Variants in LIMCH1 observed in about 807,000 individuals in gnomAD.
LIMCH1 encodes LIM and calponin homology domains-containing protein 1.
LIMCH1 carries 113 observed loss-of-function variants against 176.5 expected under a neutral mutation model. That is an observed-to-expected ratio of 0.64 (90% CI 0.55 to 0.75). LIMCH1 has a LOEUF of 0.75. Ranked by LOEUF, LIMCH1 falls within the 30% of genes least tolerant of loss-of-function variation. The pLI is 0.00. For synonymous variants in LIMCH1, 619 were observed against 645.9 expected (o/e 0.96, Z 0.63); for missense variants, 1,674 against 1,814.9 (o/e 0.92, Z 1.41).
At chr4:41,457,397 A>G (rs1325805027) in intron 1 of LIMCH1, among the ~76,000 whole-genome samples, 6 of 152,146 alleles carry the variant, frequency 3.9e-5, no homozygotes, top group South Asian at 2.1e-4. Flanking sequence ...AACTGGGTCC[A>G]TTATACCATT....
rs574937993 is a variant in LIMCH1, at chr4:41,532,735, TTAA to T, written c.237+8261_237+8263del. Among the ~76,000 whole-genome samples the T allele has an allele frequency of 8.2e-3, 1,254 of 152,306 alleles. 7 individuals are homozygous for T. Among genetic ancestry groups the T allele is most frequent in the Admixed American group, 0.014 (217 of 15,298 alleles). On this transcript the variant is annotated intron_variant, in intron 3 of 26. Transcript: ENST00000313860. ...ATCTTTTGTGGGTATTTGGGAAGAC[TTAA>T]TAAGAATTTTTTGTCCCTTCACTCA...
intron 1 of LIMCH1, among the ~76,000 whole-genome samples, chr4:41,586,135 G>T (rs2086432353): frequency 7.6e-6 from 1 of 132,180 alleles, no homozygotes; most frequent in South Asian, 2.8e-4. Flanking sequence ...TTGAAACAGG[G>T]TCTCACTCTG....
At chr4:41,496,658 T>G (rs979807494) in intron 2 of LIMCH1, among the ~76,000 whole-genome samples, 2 of 152,146 alleles carry the variant, frequency 1.3e-5, no homozygotes, top group African/African-American at 4.8e-5. Context: ...TTGTGTAAGT[T>G]GAGACTATTA....
chr4:41,595,807 C>T (rs894981628), intron 1 of LIMCH1, among the ~76,000 whole-genome samples: 1 of 152,032 alleles, frequency 6.6e-6, no homozygotes, highest in African/African-American at 2.4e-5. Flanking sequence ...CCTGTAATCC[C>T]AGCACGTTGC....
At chr4:41,479,521 G>A (rs2068249801) in intron 1 of LIMCH1, among the ~76,000 whole-genome samples, 1 of 152,080 alleles carries the variant, frequency 6.6e-6, no homozygotes, top group African/African-American at 2.4e-5. Flanking sequence ...CAAAATGCTG[G>A]GATTACAGGC....
chr4:41,548,348 C>T (rs1007792255), intron 1 of LIMCH1, among the ~76,000 whole-genome samples: 1 of 152,078 alleles, frequency 6.6e-6, no homozygotes. Context: ...AGTATTTTCA[C>T]AACCATTTTA....
At chr4:41,375,554 A>G (rs1293489168) in intron 1 of LIMCH1, among the ~76,000 whole-genome samples, 1 of 152,120 alleles carries the variant, frequency 6.6e-6, no homozygotes, top group African/African-American at 2.4e-5. Flanking sequence ...TTTTTTTCCC[A>G]TTTAATTTCA....
chr4:41,586,962 T>A (rs556332269), intron 1 of LIMCH1, among the ~76,000 whole-genome samples: 3 of 152,332 alleles, frequency 2.0e-5, no homozygotes, highest in African/African-American at 7.2e-5. Flanking sequence ...TATGCTATGC[T>A]GGCAAGGAAT....
At chr4:41,429,644 A>G (rs997649182) in intron 1 of LIMCH1, among the ~76,000 whole-genome samples, 2 of 152,200 alleles carry the variant, frequency 1.3e-5, no homozygotes, top group Admixed American at 1.3e-4. Context: ...ATATTTTTCC[A>G]GTTTGCCTTT....
intron 1 of LIMCH1, among the ~76,000 whole-genome samples, chr4:41,591,776 C>T (rs778328640): frequency 3.0e-4 from 45 of 152,006 alleles, no homozygotes; most frequent in African/African-American, 3.9e-4. Flanking sequence ...TTTCTGTGAA[C>T]GCAAATCCAT....
At chr4:41,574,143 A>T (rs2084018740) in intron 1 of LIMCH1, among the ~76,000 whole-genome samples, 1 of 151,964 alleles carries the variant, frequency 6.6e-6, no homozygotes, top group African/African-American at 2.4e-5. Flanking sequence ...GGGATCTGGC[A>T]GGGGTCATCA....
intron 2 of LIMCH1, among the ~76,000 whole-genome samples, chr4:41,523,142 G>T (rs2076286778): frequency 6.6e-6 from 1 of 152,114 alleles, no homozygotes; most frequent in South Asian, 2.1e-4. Context: ...CTAAATTCAA[G>T]ACTATTAAAC....
intron 23 of LIMCH1, among the ~76,000 whole-genome samples, chr4:41,679,599 G>T (rs1334716977): frequency 6.6e-6 from 1 of 151,934 alleles, no homozygotes; most frequent in Non-Finnish European, 1.5e-5. Context: ...AAACCTTCAG[G>T]GTTTTTCATC....
chr4:41,603,636 G>A (rs1366529606), intron 2 of LIMCH1, among the ~76,000 whole-genome samples: 1 of 152,102 alleles, frequency 6.6e-6, no homozygotes, highest in Non-Finnish European at 1.5e-5. Context: ...AAATTATAAA[G>A]CATCGTCTTT....
chr4:41,633,132 G>C, intron 12 of LIMCH1, 47 bp downstream of exon 12: 1 of 1,332,938 alleles, frequency 7.5e-7, no homozygotes, highest in African/African-American at 1.5e-5. Context: ...TGCCCCTGCT[G>C]TGTGTGGCTG....
rs2068403299 is a variant in LIMCH1, at chr4:41,480,442, A to T, written c.97-14094A>T. Among the ~76,000 whole-genome samples, 4 of 152,144 alleles carry T rather than the reference A, an allele frequency of 2.6e-5. No individual in the cohort carries two copies. In the South Asian group the frequency reaches 8.3e-4, roughly 31 times the overall value. ...GCCAACATGGTGAAACCCCGGCTCCACTAAAAATACAAAAATTAGCTGGGT... is the reference window on the plus strand; with the variant it reads ...GCCAACATGGTGAAACCCCGGCTCCTCTAAAAATACAAAAATTAGCTGGGT... On this transcript the variant is annotated intron_variant, in intron 1 of 26. Transcript: ENST00000313860.
chr4:41,574,379 C>T (rs1158008404), intron 1 of LIMCH1, among the ~76,000 whole-genome samples: 6 of 149,982 alleles, frequency 4.0e-5, no homozygotes, highest in Admixed American at 6.6e-5. Flanking sequence ...CTGCAAGCTC[C>T]ACCTCCCGGG....
intron 6 of LIMCH1, chr4:41,619,981 T>C (rs2092439474): frequency 5.4e-6 from 1 of 184,838 alleles, no homozygotes; most frequent in African/African-American, 2.4e-5. Context: ...ATTTATTCAT[T>C]TATTCAGCAA....
intron 3 of LIMCH1, among the ~76,000 whole-genome samples, chr4:41,532,451 G>A (rs113405204): frequency 1.9e-3 from 283 of 152,226 alleles, no homozygotes; most frequent in African/African-American, 6.6e-3. Flanking sequence ...AGTAACATTC[G>A]AGTAACATTC....
Sources: allele counts gnomAD v4.1 joint callset (sites outside exome capture counted in the v4.1 genomes callset), GRCh38; gene constraint gnomAD v4.1.1; transcripts MANE v1.5; gene names NCBI Gene and HGNC (gene_info 2026-07-23, HGNC 2026-07-21).